The following TBC1D17 variants were observed in gnomAD, a reference collection of about 807,000 sequenced individuals.
TBC1D17 encodes the protein TBC1 domain family member 17.
In TBC1D17, 69 loss-of-function variants were observed where a neutral mutation model predicts 78.8. That is an observed-to-expected ratio of 0.88 (90% CI 0.72 to 1.07). The LOEUF (loss-of-function observed/expected upper bound fraction) is 1.07, where lower values mean the gene tolerates loss of function less well. TBC1D17 is among the 50% of genes least tolerant of loss of function. The pLI, the probability that TBC1D17 is intolerant of heterozygous loss-of-function variation, is 0.00. For missense variants in TBC1D17, 957 were observed against 861.0 expected, an observed-to-expected ratio of 1.11 and a Z score of -1.39; for synonymous variants, 456 against 358.3, an observed-to-expected ratio of 1.27 and a Z score of -3.08.
intron 5 of TBC1D17, among the ~76,000 whole-genome samples, chr19:49,881,696 C>T (rs912552711): frequency 6.6e-6 from 1 of 152,204 alleles, no homozygotes; most frequent in Admixed American, 6.5e-5. Flanking sequence ...CCTCTGAGTT[C>T]GTTATTCTCT....
chr19:49,884,152 G>A, intron 10 of TBC1D17, 101 bp from the exon 11 acceptor site: 1 of 1,068,544 alleles, frequency 9.4e-7, no homozygotes, highest in South Asian at 1.4e-5. Flanking sequence ...CCGAGGCTGG[G>A]GGCTGCCAGC....
In TBC1D17 at chr19:49,888,323, T is replaced by C; in HGVS notation, c.1746+6T>C. 1 of 1,565,172 alleles carries C rather than the reference T, an allele frequency of 6.4e-7. No individual in the cohort carries two copies. Among genetic ancestry groups the C allele is most frequent in the Non-Finnish European group, 8.6e-7 (1 of 1,156,388 alleles). ...GCCAGCTAACCGCCTGCCCCGTGAG[T>C]CCCCGTCCGCCCCGCAGCGCCCCGC... is the stretch of plus-strand genomic sequence containing the variant. On this transcript the variant is annotated splice_donor_region_variant and intron_variant, in intron 16 of 16. Transcript: ENST00000221543.
Position 49,884,167 on chromosome 19 carries a change from G to T in TBC1D17, c.1127-86G>T, listed in dbSNP as rs571389117. On this transcript the variant is annotated intron_variant, in intron 10 of 16. Coordinates refer to ENST00000221543, the MANE Select transcript of TBC1D17 (RefSeq NM_024682.3). The stretch of plus-strand genomic sequence containing the variant: ...CCGAGGCTGGGGGCTGCCAGCAGGA[G>T]GAGCAGTGGGGGCTGGCACTGGTGG... 82 of 1,211,866 alleles carry T rather than the reference G, an allele frequency of 6.8e-5. No individual in the cohort carries two copies. The African/African-American group carries it at 1.1e-3, about 17-fold the overall frequency. The allele number at this position is 1,211,866 out of a possible 1,614,324, so 75.1% of individuals were successfully genotyped here.
In TBC1D17 at chr19:49,882,652, G is replaced by C. The variant is rs1158867087; in HGVS notation, c.799-112G>C. 6 of 1,428,324 alleles carry C rather than the reference G, an allele frequency of 4.2e-6. No homozygotes were observed. In the East Asian group the frequency reaches 1.3e-4, roughly 30 times the overall value. 88.5% of individuals were successfully genotyped at this position (1,428,324 alleles called of 1,614,324 possible). A position where few individuals can be genotyped will look rare whatever the true frequency, so the allele number is the denominator to read the frequency against. On this transcript the variant is annotated intron_variant, in intron 7 of 16. Coordinates refer to ENST00000221543, the MANE Select transcript of TBC1D17 (RefSeq NM_024682.3). ...CCGGAAGAGGCTGCTGCCTGCCCCTGAATGTTAGTCATCCGTCAAGCTAAT... is the reference window on the plus strand; with the variant it reads ...CCGGAAGAGGCTGCTGCCTGCCCCTCAATGTTAGTCATCCGTCAAGCTAAT...
At chr19:49,887,138 T>A (rs1464107102) in intron 13 of TBC1D17, 2 of 308,134 alleles carry the variant, frequency 6.5e-6, no homozygotes, top group Non-Finnish European at 1.2e-5. Flanking sequence ...CACCCGGCCT[T>A]CAGCTTAAAT....
At chr19:49,881,980 A>C (rs2075018225) in intron 5 of TBC1D17, 61 bp from the exon 6 acceptor site, 28 of 1,438,478 alleles carry the variant, frequency 1.9e-5, no homozygotes, top group Non-Finnish European at 2.7e-5. Context: ...CCGAGCACAG[A>C]CAGCCTGGGA....
Position 49,884,253 on chromosome 19 carries a change from A to C in TBC1D17, c.1127A>C (p.Glu376Ala). 6.2e-7 allele frequency: 1 copy of C among 1,613,728 alleles called. No homozygotes were observed. The highest frequency in any genetic ancestry group is 8.5e-7 in the Non-Finnish European group (1 of 1,179,970). Reference sequence around the variant, plus strand: ...TGCACCCTGTGCCCGGTCCCCGCAGAAAGGGATGTGAGCCGCACTGACAGG... The same window carrying C: ...TGCACCCTGTGCCCGGTCCCCGCAGCAAGGGATGTGAGCCGCACTGACAGG... Reference protein sequence around the residue: ...SLLHGYRSLIERDVSRTDRTN... With the variant: ...SLLHGYRSLIARDVSRTDRTN... The change falls in exon 11 of 17, where the codon GAA becomes GCA. Residue 376 changes from glutamate (E) to alanine (A), a missense_variant and splice_region_variant. Glu to Ala is a moderately radical substitution (Grantham distance 107). Transcript: ENST00000221543.
chr19:49,883,148 C>T (rs2075030895), intron 9 of TBC1D17, 72 bp downstream of exon 9: 4 of 1,379,372 alleles, frequency 2.9e-6, no homozygotes, highest in Non-Finnish European at 3.0e-6. Flanking sequence ...TGGGCAAGTT[C>T]TGTGGACGCT....
rs1184685945 is a variant in TBC1D17, at chr19:49,880,332, C to T, written c.249C>T (p.Pro83=). The T allele has an allele frequency of 3.7e-6, 6 of 1,613,926 alleles. No individual in the cohort carries two copies. Among genetic ancestry groups the T allele is most frequent in the Middle Eastern group, 1.6e-4 (1 of 6,084 alleles). The part of the protein sequence containing the change: ...CASEEEPTFD[P]GYEPDWAVIS... Reference sequence around the variant, plus strand: ...CTGAGGAGGAACCAACCTTTGACCCCGGCTATGAACCTGACTGGGCTGTCA... The same window carrying T: ...CTGAGGAGGAACCAACCTTTGACCCTGGCTATGAACCTGACTGGGCTGTCA... The change falls in exon 4 of 17, where the codon CCC becomes CCT. Residue 83 remains proline (P), a synonymous_variant. Transcript: ENST00000221543.
rs1199996576 is a variant in TBC1D17 at position 49,877,805 on chromosome 19, A to C, written c.21+61A>C. On this transcript the variant is annotated intron_variant, in intron 1 of 16. Coordinates refer to ENST00000221543, the MANE Select transcript of TBC1D17 (RefSeq NM_024682.3). The stretch of plus-strand genomic sequence containing the variant: ...ATGCGAAACGCCCCGTCTAGTGATC[A>C]GCTCTTCTCTCAGGCCTTGGCTCTC... The C allele has an allele frequency of 1.9e-5, 30 of 1,539,046 alleles. No individual in the cohort carries two copies. In the Admixed American group the frequency reaches 4.0e-4, roughly 21 times the overall value.
chr19:49,878,535 A>C lies in TBC1D17; in HGVS notation c.158A>C (p.Glu53Ala), dbSNP rs1177136542. 6.2e-7 allele frequency: 1 copy of C among 1,613,960 alleles called. No homozygotes were observed. The highest frequency in any genetic ancestry group is 8.5e-7 in the Non-Finnish European group (1 of 1,179,990). ...DVLLHWAPVEEAGDSTQILFS... is the reference protein window; with the variant it reads ...DVLLHWAPVEAAGDSTQILFS... Reference sequence around the variant, plus strand: ...CTCCTGCACTGGGCTCCTGTAGAGGAGGCTGGAGATTCCACCCAAATCCTC... The same window carrying C: ...CTCCTGCACTGGGCTCCTGTAGAGGCGGCTGGAGATTCCACCCAAATCCTC... Residue 53 changes from glutamate (E) to alanine (A), a missense_variant, in exon 3 of 17, where the codon GAG becomes GCG. By Grantham distance (107) the Glu-to-Ala change is moderately radical. Transcript: ENST00000221543.
rs2305915 is a variant in TBC1D17 at position 49,884,493 on chromosome 19, G to T, written c.1278G>T (p.Pro426=). ...AGGGCATGAGTGATCTTCTCTCCCC[G>T]ATCCTCTACGTCATTCAGAACGAGG... ...YVQGMSDLLS[P]ILYVIQNEVD... The change falls in exon 12 of 17, where the codon CCG becomes CCT. Residue 426 remains proline (P), a synonymous_variant. Transcript: ENST00000221543. The T allele has an allele frequency of 1.2e-6, 2 of 1,614,066 alleles. No homozygotes were observed. Among genetic ancestry groups the T allele is most frequent in the Non-Finnish European group, 1.7e-6 (2 of 1,180,016 alleles).
At chr19:49,887,299 G>C (rs963703462) in intron 13 of TBC1D17, 177 bp from the exon 14 acceptor site, 6 of 623,706 alleles carry the variant, frequency 9.6e-6, no homozygotes, top group African/African-American at 5.5e-5. Flanking sequence ...TCTGGAGAGT[G>C]GGAGGAAGGA....
At chr19:49,887,384 A>T in intron 13 of TBC1D17, 92 bp from the exon 14 acceptor site, 5 of 1,336,764 alleles carry the variant, frequency 3.7e-6, no homozygotes, top group Non-Finnish European at 5.3e-6. Flanking sequence ...TCACTTGCCT[A>T]GACTTGGGGA....
In TBC1D17 at chr19:49,881,407, A is replaced by G. The variant is rs2075011630; in HGVS notation, c.459A>G (p.Ala153=). Residue 153 remains alanine (A), a synonymous_variant, in exon 5 of 17, where the codon GCA becomes GCG. Coordinates refer to ENST00000221543, the MANE Select transcript of TBC1D17 (RefSeq NM_024682.3). ...LVTQAGGSLP[A]LHFHRGGTRA... is the part of the protein sequence containing the mutation. ...CCCAGGCTGGAGGTTCCCTGCCCGCACTGCACTTCCACCGCGGGGGCACCC... is the reference window on the plus strand; with the variant it reads ...CCCAGGCTGGAGGTTCCCTGCCCGCGCTGCACTTCCACCGCGGGGGCACCC... 1.2e-6 allele frequency: 2 copies of G among 1,612,912 alleles called. No homozygotes were observed. The highest frequency in any genetic ancestry group is 2.7e-5 in the African/African-American group (2 of 75,010).
Position 49,883,077 on chromosome 19 carries a change from G to A in TBC1D17, c.1031+1G>A, listed in dbSNP as rs745825084. 4.4e-6 allele frequency: 7 copies of A among 1,604,314 alleles called. No individual in the cohort carries two copies. The highest frequency in any genetic ancestry group is 2.2e-5 in the East Asian group (1 of 44,648). ...ACAAGGCCCACATACGCAAGAAAACGTGAGTTCTCAGGAGGCCCTGCCCTG... is the reference window on the plus strand; with the variant it reads ...ACAAGGCCCACATACGCAAGAAAACATGAGTTCTCAGGAGGCCCTGCCCTG... On this transcript the variant is annotated splice_donor_variant, in intron 9 of 16. Coordinates refer to ENST00000221543, the MANE Select transcript of TBC1D17 (RefSeq NM_024682.3). LOFTEE classifies it high-confidence loss of function.
Position 49,880,381 on chromosome 19 carries a change from T to A in TBC1D17, c.298T>A (p.Cys100Ser). ...CATCAGCACTGTGCGGCCACAGCTCTGCCACTCAGAGCCCACGAGAGGTAG... is the reference window on the plus strand; with the variant it reads ...CATCAGCACTGTGCGGCCACAGCTCAGCCACTCAGAGCCCACGAGAGGTAG... Reference protein sequence around the residue: ...AVISTVRPQLCHSEPTRGAEP... With the variant: ...AVISTVRPQLSHSEPTRGAEP... The change falls in exon 4 of 17, where the codon TGC (cysteine) becomes AGC (serine). Residue 100 changes from cysteine to serine, a missense_variant. Cys to Ser is a moderately radical substitution (Grantham distance 112). Transcript: ENST00000221543. The A allele has an allele frequency of 6.2e-7, 1 of 1,613,896 alleles. No individual in the cohort carries two copies. Among genetic ancestry groups the A allele is most frequent in the Non-Finnish European group, 8.5e-7 (1 of 1,179,952 alleles).
chr19:49,877,765 C>A (rs750556661), intron 1 of TBC1D17, 21 bp downstream of exon 1: 2 of 1,585,044 alleles, frequency 1.3e-6, no homozygotes, highest in East Asian at 2.3e-5. Flanking sequence ...AGGACGCATT[C>A]CCTCGCTTCA....
rs527461980 is a variant in TBC1D17, at chr19:49,881,435, G to C, written c.487G>C (p.Ala163Pro). 2 of 1,611,484 alleles carry C rather than the reference G, an allele frequency of 1.2e-6. No homozygotes were observed. Among genetic ancestry groups the C allele is most frequent in the East Asian group, 4.5e-5 (2 of 44,870 alleles). Reference sequence around the variant, plus strand: ...GCACTTCCACCGCGGGGGCACCCGCGCCCTGCTCCGCGTCCTCAGCCGCTA... The same window carrying C: ...GCACTTCCACCGCGGGGGCACCCGCCCCCTGCTCCGCGTCCTCAGCCGCTA... ...ALHFHRGGTR[A>P]LLRVLSRYLL... The change falls in exon 5 of 17, where the codon GCC (alanine) becomes CCC (proline). Residue 163 changes from alanine (A) to proline (P), a missense_variant. Physicochemically the swap from Ala to Pro is conservative, Grantham distance 27. Coordinates refer to ENST00000221543, the MANE Select transcript of TBC1D17 (RefSeq NM_024682.3).
Sources: allele counts gnomAD v4.1 joint callset (sites outside exome capture counted in the v4.1 genomes callset), GRCh38; gene constraint gnomAD v4.1.1; transcripts MANE v1.5; gene names NCBI Gene and HGNC (gene_info 2026-07-23, HGNC 2026-07-21).